SGCZ: variants seen among roughly 807,000 people sequenced by gnomAD.
SGCZ encodes sarcoglycan zeta.
A neutral mutation model predicts 41.3 loss-of-function variants in SGCZ; 40 were observed. That is an observed-to-expected ratio of 0.97 (90% CI 0.75 to 1.26). The LOEUF (loss-of-function observed/expected upper bound fraction) is 1.26, where lower values mean the gene tolerates loss of function less well. Ranked by LOEUF, SGCZ falls within the 50% of genes most tolerant of loss-of-function variation. The pLI, the probability that SGCZ is intolerant of heterozygous loss-of-function variation, is 0.00. For synonymous variants in SGCZ, 206 were observed against 137.5 expected (o/e 1.50, Z -3.49); for missense variants, 552 against 369.8 (o/e 1.49, Z -4.04).
intron 1 of SGCZ, among the ~76,000 whole-genome samples, chr8:14,603,491 G>A (rs910008189): frequency 4.0e-5 from 6 of 151,328 alleles, no homozygotes; most frequent in South Asian, 2.1e-4. Flanking sequence ...CTTAGGTACC[G>A]AAAGATGTAA....
chr8:14,462,730 G>A (rs916539142), intron 2 of SGCZ, among the ~76,000 whole-genome samples: 10 of 151,564 alleles, frequency 6.6e-5, no homozygotes, highest in African/African-American at 2.4e-4. Flanking sequence ...TAAATTTTAG[G>A]ATTTTGTTTT....
At chr8:14,627,519 T>C (rs933206569) in intron 1 of SGCZ, among the ~76,000 whole-genome samples, 3 of 152,174 alleles carry the variant, frequency 2.0e-5, no homozygotes, top group African/African-American at 7.2e-5. Flanking sequence ...TCCTCTAGCA[T>C]CATAAGATAG....
chr8:14,713,775 A>G (rs1809598392), intron 1 of SGCZ, among the ~76,000 whole-genome samples: 1 of 151,768 alleles, frequency 6.6e-6, no homozygotes, highest in Admixed American at 6.6e-5. Context: ...TATATTATTT[A>G]TGTTAATTTG....
intron 1 of SGCZ, among the ~76,000 whole-genome samples, chr8:14,995,348 AAGAG>A (rs1466085502): frequency 6.6e-6 from 1 of 152,236 alleles, no homozygotes; most frequent in Non-Finnish European, 1.5e-5. Flanking sequence ...AAGAGAAAGG[AAGAG>A]AGAAAGTAAA....
In SGCZ at chr8:14,828,424, G is replaced by C. The variant is rs146358026; in HGVS notation, c.40-273498C>G. ...ACACCATTCGGACTAAAAAATTAAA[G>C]TTAAGCAAACTCTACTTGATGGTTA... On this transcript the variant is annotated intron_variant, in intron 1 of 7. Transcript: ENST00000382080. Among the ~76,000 whole-genome samples, 414 of 152,292 alleles carry C rather than the reference G, an allele frequency of 2.7e-3. 2 individuals are homozygous for C. The highest frequency in any genetic ancestry group is 8.7e-3 in the African/African-American group (362 of 41,570).
intron 1 of SGCZ, among the ~76,000 whole-genome samples, chr8:14,903,460 A>G (rs948967469): frequency 6.6e-6 from 1 of 152,090 alleles, no homozygotes; most frequent in Non-Finnish European, 1.5e-5. Context: ...AAAACAAAAA[A>G]AGTAAATGCA....
chr8:14,811,317 T>G (rs1801730735), intron 1 of SGCZ, among the ~76,000 whole-genome samples: 1 of 151,936 alleles, frequency 6.6e-6, no homozygotes, highest in South Asian at 2.1e-4. Flanking sequence ...AGTTTATACA[T>G]ATCAAAACCC....
intron 4 of SGCZ, among the ~76,000 whole-genome samples, chr8:14,199,744 C>T (rs1805394432): frequency 6.6e-6 from 1 of 152,018 alleles, no homozygotes; most frequent in Non-Finnish European, 1.5e-5. Flanking sequence ...TGAATTTCCC[C>T]CGATATATTC....
intron 1 of SGCZ, among the ~76,000 whole-genome samples, chr8:14,608,407 G>C (rs951430382): frequency 1.3e-4 from 19 of 151,838 alleles, no homozygotes; most frequent in African/African-American, 4.6e-4. Flanking sequence ...TCAGCTTCTG[G>C]AGAGGCCACA....
intron 2 of SGCZ, among the ~76,000 whole-genome samples, chr8:14,503,704 G>T (rs1014219093): frequency 1.3e-5 from 2 of 151,734 alleles, no homozygotes; most frequent in East Asian, 2.0e-4. Context: ...GGAGGTGGAG[G>T]TTGCAGTGAG....
At chr8:14,261,799 G>A (rs542979993) in intron 3 of SGCZ, among the ~76,000 whole-genome samples, 1 of 152,106 alleles carries the variant, frequency 6.6e-6, no homozygotes, top group Non-Finnish European at 1.5e-5. Context: ...TTAGGGTATG[G>A]ACTAACTCTT....
At chr8:14,992,225 C>A (rs1189859948) in intron 1 of SGCZ, among the ~76,000 whole-genome samples, 3 of 151,878 alleles carry the variant, frequency 2.0e-5, no homozygotes, top group Non-Finnish European at 2.9e-5. Context: ...AATCTACTCC[C>A]AAATCTACTC....
chr8:14,345,825 A>G (rs1802874443), intron 2 of SGCZ, among the ~76,000 whole-genome samples: 1 of 152,080 alleles, frequency 6.6e-6, no homozygotes, highest in African/African-American at 2.4e-5. Flanking sequence ...ATCCCTTCCT[A>G]CTGTGTGACT....
rs557034327 is a variant in SGCZ at position 14,241,730 on chromosome 8, G to GT, written c.337-4052dup. 1.5e-3 allele frequency among the ~76,000 whole-genome samples: 235 copies of GT among 152,124 alleles called. 1 individual carries two copies. The highest frequency in any genetic ancestry group is 5.3e-3 in the African/African-American group (221 of 41,532). The stretch of plus-strand genomic sequence containing the variant: ...TTAGACAAAGCAGATAGGTGATCCA[G>GT]TTAGAAAGGCAACGAGACTGTTAAG... On this transcript the variant is annotated intron_variant, in intron 3 of 7. Coordinates refer to ENST00000382080, the MANE Select transcript of SGCZ (RefSeq NM_139167.4).
At chr8:14,696,179 G>T (rs544963565) in intron 1 of SGCZ, among the ~76,000 whole-genome samples, 1 of 151,880 alleles carries the variant, frequency 6.6e-6, no homozygotes, top group Non-Finnish European at 1.5e-5. Flanking sequence ...ATTATATCAC[G>T]TTCTCAAAAG....
intron 2 of SGCZ, among the ~76,000 whole-genome samples, chr8:14,528,708 G>A (rs1387411202): frequency 1.3e-5 from 2 of 151,832 alleles, no homozygotes; most frequent in East Asian, 3.9e-4. Context: ...AGCTGAGGTT[G>A]TCCTCCCTCT....
intron 2 of SGCZ, among the ~76,000 whole-genome samples, chr8:14,332,000 A>T (rs1039482574): frequency 1.3e-5 from 2 of 151,988 alleles, no homozygotes; most frequent in African/African-American, 2.4e-5. Context: ...ATGAATAAAT[A>T]TAAATACATA....
At chr8:14,708,306 G>T (rs1355338278) in intron 1 of SGCZ, among the ~76,000 whole-genome samples, 1 of 151,620 alleles carries the variant, frequency 6.6e-6, no homozygotes, top group Admixed American at 6.6e-5. Context: ...ATTAATTTAT[G>T]CACAGAAATC....
At chr8:14,923,952 T>C (rs1233937607) in intron 1 of SGCZ, among the ~76,000 whole-genome samples, 1 of 152,140 alleles carries the variant, frequency 6.6e-6, no homozygotes, top group East Asian at 1.9e-4. Context: ...AGAGCTTCCC[T>C]TATGTGACAA....
Sources: gnomAD v4.1 joint callset for allele counts (sites outside exome capture counted in the v4.1 genomes callset) on GRCh38, gnomAD v4.1.1 for gene constraint, MANE v1.5 for transcripts, NCBI Gene and HGNC (gene_info 2026-07-23, HGNC 2026-07-21) for gene names.